Variants in FHOD3 observed in about 807,000 individuals in gnomAD.
FHOD3 encodes FH1/FH2 domain-containing protein 3.
In FHOD3, 90 loss-of-function variants were observed where a neutral mutation model predicts 173.0. The ratio of observed to expected loss-of-function variants is 0.52; its 90% CI spans 0.44 to 0.62. FHOD3 has a LOEUF of 0.62. Among genes scored for constraint, FHOD3 ranks in the 20% least tolerant of loss-of-function variants. FHOD3 has a pLI of 0.00. For missense variants in FHOD3, 1,945 were observed against 2,034.7 expected (o/e 0.96, Z 0.85); for synonymous variants, 828 against 823.0 (o/e 1.01, Z -0.10).
chr18:36,448,695 G>T (rs2051645225), intron 3 of FHOD3, among the ~76,000 whole-genome samples: 1 of 149,178 alleles, frequency 6.7e-6, no homozygotes, highest in Non-Finnish European at 1.5e-5. Flanking sequence ...GCTTCTTGCT[G>T]GGCCAGTGAG....
At chr18:36,332,255 G>A (rs974057868) in intron 1 of FHOD3, among the ~76,000 whole-genome samples, 1 of 152,212 alleles carries the variant, frequency 6.6e-6, no homozygotes, top group Non-Finnish European at 1.5e-5. Flanking sequence ...AGCAGCTGTG[G>A]CCCCAGGATG....
At chr18:36,649,098 G>A (rs892361126) in intron 10 of FHOD3, among the ~76,000 whole-genome samples, 5 of 151,990 alleles carry the variant, frequency 3.3e-5, no homozygotes, top group Admixed American at 6.5e-5. Flanking sequence ...TCCACCCGAC[G>A]TTTAAAGTCC....
At chr18:36,339,074 G>T (rs996112849) in intron 1 of FHOD3, among the ~76,000 whole-genome samples, 2 of 152,078 alleles carry the variant, frequency 1.3e-5, no homozygotes, top group Admixed American at 1.3e-4. Flanking sequence ...TCAGGGTGGG[G>T]CCCCAGGTTC....
intron 1 of FHOD3, among the ~76,000 whole-genome samples, chr18:36,311,222 G>A (rs1291190390): frequency 6.6e-6 from 1 of 152,072 alleles, no homozygotes; most frequent in African/African-American, 2.4e-5. Context: ...AGGGAGGGCG[G>A]GGACCCCTGC....
At chr18:36,302,853 A>G (rs1759311873) in intron 1 of FHOD3, among the ~76,000 whole-genome samples, 1 of 152,218 alleles carries the variant, frequency 6.6e-6, no homozygotes, top group South Asian at 2.1e-4. Context: ...GTCTCCATGT[A>G]AGCAGAATCA....
At chr18:36,308,963 C>T (rs1264655829) in intron 1 of FHOD3, among the ~76,000 whole-genome samples, 1 of 152,144 alleles carries the variant, frequency 6.6e-6, no homozygotes, top group African/African-American at 2.4e-5. Context: ...ACCAACTCTT[C>T]AATGTATCAA....
chr18:36,639,449 G>C (rs2035129316), intron 10 of FHOD3, among the ~76,000 whole-genome samples: 1 of 152,150 alleles, frequency 6.6e-6, no homozygotes, highest in Non-Finnish European at 1.5e-5. Context: ...AAGGCGGGCG[G>C]ATCACGAGGT....
intron 1 of FHOD3, among the ~76,000 whole-genome samples, chr18:36,330,200 C>T (rs939438833): frequency 3.9e-5 from 6 of 152,320 alleles, no homozygotes; most frequent in Middle Eastern, 3.4e-3. Flanking sequence ...AGGTTTTCTC[C>T]TCATTCTTTG....
intron 3 of FHOD3, among the ~76,000 whole-genome samples, chr18:36,436,141 T>C (rs994403391): frequency 9.2e-5 from 14 of 152,186 alleles, no homozygotes; most frequent in African/African-American, 3.4e-4. Context: ...AAGCTAATTA[T>C]AAACTGATAT....
chr18:36,479,624 A>G (rs1193119222), intron 3 of FHOD3, among the ~76,000 whole-genome samples: 1 of 152,132 alleles, frequency 6.6e-6, no homozygotes, highest in African/African-American at 2.4e-5. Flanking sequence ...TTCCAAATGA[A>G]TGTATTAATA....
At chr18:36,318,823 A>G (rs2044257665) in intron 1 of FHOD3, among the ~76,000 whole-genome samples, 1 of 152,168 alleles carries the variant, frequency 6.6e-6, no homozygotes, top group Non-Finnish European at 1.5e-5. Context: ...GAATGCTTCT[A>G]GTTTTTGCCC....
At chr18:36,584,337 T>C (rs2058955716) in intron 6 of FHOD3, among the ~76,000 whole-genome samples, 1 of 152,172 alleles carries the variant, frequency 6.6e-6, no homozygotes, top group Non-Finnish European at 1.5e-5. Flanking sequence ...CTCTCTCTTA[T>C]TATTAGGTTG....
At chr18:36,747,881 A>G (rs2042220998) in intron 24 of FHOD3, among the ~76,000 whole-genome samples, 1 of 151,992 alleles carries the variant, frequency 6.6e-6, no homozygotes, top group Non-Finnish European at 1.5e-5. Flanking sequence ...CGGTTGAGGG[A>G]CCCTCACCCA....
intron 5 of FHOD3, among the ~76,000 whole-genome samples, chr18:36,561,468 T>C (rs2058079017): frequency 6.6e-6 from 1 of 152,156 alleles, no homozygotes; most frequent in African/African-American, 2.4e-5. Context: ...TCAGGAGGCC[T>C]TAGTTGCGTT....
At chr18:36,559,848 C>G (rs2058027346) in intron 5 of FHOD3, among the ~76,000 whole-genome samples, 1 of 152,112 alleles carries the variant, frequency 6.6e-6, no homozygotes, top group African/African-American at 2.4e-5. Flanking sequence ...ATGAGGGACT[C>G]TGAAACATAA....
intron 3 of FHOD3, among the ~76,000 whole-genome samples, chr18:36,374,023 C>T (rs996668677): frequency 6.6e-5 from 10 of 152,112 alleles, no homozygotes; most frequent in African/African-American, 2.4e-4. Flanking sequence ...TTGATAACTA[C>T]AAGAAATTTG....
At chr18:36,760,466 C>A in intron 26 of FHOD3, 142 bp from the exon 27 acceptor site, 1 of 709,724 alleles carries the variant, frequency 1.4e-6, no homozygotes, top group Non-Finnish European at 2.1e-6. Context: ...CATTAGTTAA[C>A]TTCAGTGACT....
intron 1 of FHOD3, among the ~76,000 whole-genome samples, chr18:36,337,128 T>G (rs2045357968): frequency 6.7e-6 from 1 of 148,730 alleles, no homozygotes; most frequent in Non-Finnish European, 1.5e-5. Flanking sequence ...GCTGAGATTG[T>G]GCCACTGCAC....
intron 6 of FHOD3, among the ~76,000 whole-genome samples, chr18:36,586,402 A>G (rs1028910419): frequency 3.9e-5 from 6 of 152,220 alleles, no homozygotes; most frequent in African/African-American, 1.2e-4. Context: ...TTCATTCTGC[A>G]TATACTATCA....
Sources: gnomAD v4.1 joint callset for allele counts (sites outside exome capture counted in the v4.1 genomes callset) on GRCh38, gnomAD v4.1.1 for gene constraint, MANE v1.5 for transcripts, NCBI Gene and HGNC (gene_info 2026-07-23, HGNC 2026-07-21) for gene names.